The following WDR27 variants were observed in gnomAD, a reference collection of about 807,000 sequenced individuals.
WDR27 encodes the protein WD repeat-containing protein 27.
In WDR27, 100 loss-of-function variants were observed where a neutral mutation model predicts 114.4. That is an observed-to-expected ratio of 0.87 (90% CI 0.74 to 1.03). The LOEUF (loss-of-function observed/expected upper bound fraction) is 1.03, where lower values mean the gene tolerates loss of function less well. Among genes scored for constraint, WDR27 ranks in the 50% least tolerant of loss-of-function variants. The pLI, the probability that WDR27 is intolerant of heterozygous loss-of-function variation, is 0.00. For missense variants in WDR27, 1,129 were observed against 1,092.9 expected, an observed-to-expected ratio of 1.03 and a Z score of -0.47; for synonymous variants, 449 against 423.1, an observed-to-expected ratio of 1.06 and a Z score of -0.75.
chr6:169,456,217 T>C (rs566516900), downstream of WDR27, among the ~76,000 whole-genome samples: 1 of 152,338 alleles, frequency 6.6e-6, no homozygotes, highest in East Asian at 1.9e-4. This position sits in a 1 kb window ranked among gnomAD's most constrained non-coding sequence, Gnocchi z 4.0. Context: ...TTCTAAACTT[T>C]TGCTTCTCAA....
chr6:169,698,020 G>A (rs1023722852), intron 1 of WDR27, among the ~76,000 whole-genome samples: 1 of 152,190 alleles, frequency 6.6e-6, no homozygotes, highest in East Asian at 1.9e-4. Flanking sequence ...TGAGTGCATA[G>A]TAAAGAAATA....
chr6:169,568,867 G>A (rs1800909490), intron 25 of WDR27, among the ~76,000 whole-genome samples: 1 of 152,108 alleles, frequency 6.6e-6, no homozygotes, highest in African/African-American at 2.4e-5. Context: ...TTCATTTCAT[G>A]CCCCTCACCC....
At chr6:169,533,823 CTG>C (rs71008099) in intron 25 of WDR27, among the ~76,000 whole-genome samples, 7,113 of 149,854 alleles carry the variant, frequency 0.047, 381 homozygotes, top group African/African-American at 0.14. Flanking sequence ...GAAGGTAAGC[CTG>C]TGTGTGTGTG....
At chr6:169,593,327 T>A (rs1205666038) in intron 23 of WDR27, among the ~76,000 whole-genome samples, 1 of 152,182 alleles carries the variant, frequency 6.6e-6, no homozygotes, top group African/African-American at 2.4e-5. Context: ...GTTAAATTTG[T>A]TTCTACTTTG....
intron 21 of WDR27, among the ~76,000 whole-genome samples, chr6:169,630,621 C>T (rs1816085172): frequency 6.6e-6 from 1 of 152,164 alleles, no homozygotes; most frequent in Admixed American, 6.5e-5. Flanking sequence ...GTTGGTCGGG[C>T]GCAGTGGCTC....
At chr6:169,613,129 G>C (rs1311482173) in intron 22 of WDR27, among the ~76,000 whole-genome samples, 1 of 152,200 alleles carries the variant, frequency 6.6e-6, no homozygotes, top group African/African-American at 2.4e-5. Context: ...GTATATCTAA[G>C]GAAATGCCCT....
intron 21 of WDR27, among the ~76,000 whole-genome samples, chr6:169,630,800 A>T (rs549260397): frequency 6.6e-6 from 1 of 152,294 alleles, no homozygotes; most frequent in South Asian, 2.1e-4. Context: ...AGCCTGAGGC[A>T]GGAGAGTCAT....
intron 21 of WDR27, among the ~76,000 whole-genome samples, chr6:169,626,234 G>A (rs542618996): frequency 6.6e-6 from 1 of 152,170 alleles, no homozygotes; most frequent in Non-Finnish European, 1.5e-5. Flanking sequence ...AGACGGCAGC[G>A]CTAGGCCTCC....
At chr6:169,510,262 T>C (rs1297416018) in intron 25 of WDR27, among the ~76,000 whole-genome samples, 2 of 152,264 alleles carry the variant, frequency 1.3e-5, no homozygotes, top group African/African-American at 2.4e-5. Context: ...ACCATTTGAC[T>C]CAGCCATCCC....
chr6:169,554,481 T>C lies in WDR27; in HGVS notation c.2645+17938A>G, dbSNP rs538257398. On this transcript the variant is annotated intron_variant, in intron 25 of 25. Transcript: ENST00000448612. The stretch of plus-strand genomic sequence containing the variant: ...CTCCAGTACTCTTTATATAAATCAT[T>C]GCTGGCGAAATACAATTTTAGATAT... Among the ~76,000 whole-genome samples, 15 of 152,356 alleles carry C rather than the reference T, an allele frequency of 9.8e-5. No homozygotes were observed. The South Asian group carries it at 1.0e-3, about 11-fold the overall frequency.
intron 20 of WDR27, 108 bp downstream of exon 20, chr6:169,634,320 C>A: frequency 1.4e-6 from 1 of 713,302 alleles, no homozygotes; most frequent in Non-Finnish European, 2.3e-6. Context: ...CCTGCATTCC[C>A]GGAGCCCCAC....
intron 25 of WDR27, among the ~76,000 whole-genome samples, chr6:169,476,458 T>C (rs1583647470): frequency 6.6e-6 from 1 of 152,346 alleles, no homozygotes; most frequent in East Asian, 1.9e-4. Flanking sequence ...ACCACCTGTT[T>C]CTTTGTTTGA....
downstream of WDR27, among the ~76,000 whole-genome samples, chr6:169,452,891 G>A (rs1250924685): frequency 1.3e-5 from 2 of 152,204 alleles, no homozygotes; most frequent in Admixed American, 1.3e-4. Flanking sequence ...GGGTAGCCAC[G>A]GTTTTAGCTC....
intron 25 of WDR27, among the ~76,000 whole-genome samples, chr6:169,502,135 T>C (rs1791349173): frequency 6.6e-6 from 1 of 152,064 alleles, no homozygotes; most frequent in Admixed American, 6.5e-5. Context: ...AGGGAGTAGA[T>C]CTGGTGAGGA....
At chr6:169,610,270 C>T (rs777040658) in intron 22 of WDR27, among the ~76,000 whole-genome samples, 7 of 152,116 alleles carry the variant, frequency 4.6e-5, no homozygotes, top group South Asian at 2.1e-4. Flanking sequence ...CTACTGGTAC[C>T]GATTTACTGT....
At chr6:169,696,275 C>A (rs544457533) in intron 1 of WDR27, among the ~76,000 whole-genome samples, 1 of 152,296 alleles carries the variant, frequency 6.6e-6, no homozygotes, top group African/African-American at 2.4e-5. Context: ...TCCAGGGTGA[C>A]CCAAGGGTTG....
chr6:169,560,653 C>A (rs948668464), intron 25 of WDR27, among the ~76,000 whole-genome samples: 1 of 152,228 alleles, frequency 6.6e-6, no homozygotes, highest in Non-Finnish European at 1.5e-5. Flanking sequence ...CACTTTACCC[C>A]ATCATCCTCA....
chr6:169,635,197 C>A (rs1004915863), intron 19 of WDR27, among the ~76,000 whole-genome samples: 1 of 151,716 alleles, frequency 6.6e-6, no homozygotes, highest in Non-Finnish European at 1.5e-5. Context: ...GCAACCCCGT[C>A]TCTACTAAAA....
intron 25 of WDR27, among the ~76,000 whole-genome samples, chr6:169,564,306 C>A (rs1239762451): frequency 6.6e-5 from 10 of 152,214 alleles, no homozygotes; most frequent in African/African-American, 2.2e-4. Flanking sequence ...AAGCCGGCAG[C>A]TGATTAGATG....
Sources: allele counts gnomAD v4.1 joint callset (sites outside exome capture counted in the v4.1 genomes callset), GRCh38; gene constraint gnomAD v4.1.1; non-coding constraint Gnocchi (gnomAD v3.1); transcripts MANE v1.5; gene names NCBI Gene and HGNC (gene_info 2026-07-23, HGNC 2026-07-21).